EXT1: variants seen among roughly 807,000 people sequenced by gnomAD.
EXT1 encodes exostosin-1.
A neutral mutation model predicts 82.5 loss-of-function variants in EXT1; 20 were observed. The observed-to-expected ratio is 0.24, with a 90% CI of 0.17 to 0.35. The LOEUF (loss-of-function observed/expected upper bound fraction) is 0.35. EXT1 is among the 10% of genes least tolerant of loss of function. The pLI is 1.00. For missense variants in EXT1, 757 were observed against 936.5 expected, an observed-to-expected ratio of 0.81 and a Z score of 2.50; for synonymous variants, 348 against 350.8, an observed-to-expected ratio of 0.99 and a Z score of 0.09.
intron 7 of EXT1, among the ~76,000 whole-genome samples, chr8:117,813,647 C>T (rs1476968686): frequency 6.6e-6 from 1 of 152,120 alleles, no homozygotes; most frequent in Non-Finnish European, 1.5e-5. Context: ...TTAGCAGCTA[C>T]AGCAATCAAA....
At chr8:117,915,855 C>CAAACAAAACA (rs60869745) in intron 1 of EXT1, among the ~76,000 whole-genome samples, 42,270 of 148,644 alleles carry the variant, frequency 0.28, 6,995 homozygotes, top group Middle Eastern at 0.47. Context: ...GACTCTGTCT[C>CAAACAAAACA]AAACAAAACA....
chr8:117,828,675 T>C (rs1812047239), intron 4 of EXT1, among the ~76,000 whole-genome samples: 1 of 152,136 alleles, frequency 6.6e-6, no homozygotes, highest in Admixed American at 6.5e-5. Flanking sequence ...TTGATTTTAA[T>C]TGAGGAGATT....
chr8:117,901,678 C>T (rs774532995), intron 1 of EXT1, among the ~76,000 whole-genome samples: 12 of 152,042 alleles, frequency 7.9e-5, no homozygotes, highest in Non-Finnish European at 1.2e-4. Flanking sequence ...TATAGCTTTA[C>T]AAAAATATTT....
Position 117,794,705 on chromosome 8 carries a change from G to C in EXT1, c.*5007C>G, listed in dbSNP as rs1185468829. 2 of 152,190 alleles carry C rather than the reference G, an allele frequency of 1.3e-5. No individual in the cohort carries two copies. Among genetic ancestry groups the C allele is most frequent in the African/African-American group, 4.8e-5 (2 of 41,522 alleles). The allele number at this position is 152,190 out of a possible 1,614,324, so 9.4% of individuals were successfully genotyped here. A position where few individuals can be genotyped will look rare whatever the true frequency, so the allele number is the denominator to read the frequency against. ...ATACTTGAGGGCTTAATTACGCTAA[G>C]TCATTAATACTCTATAACAAATGGG... On this transcript the variant is annotated 3_prime_UTR_variant, in exon 11 of 11. Transcript: ENST00000378204.
At chr8:117,942,601 C>T (rs1814305811) in intron 1 of EXT1, among the ~76,000 whole-genome samples, 1 of 152,072 alleles carries the variant, frequency 6.6e-6, no homozygotes, top group African/African-American at 2.4e-5. Flanking sequence ...ATCCCAGCTA[C>T]TCGGGAGGCT....
chr8:117,860,885 G>A (rs1812672770), intron 1 of EXT1, among the ~76,000 whole-genome samples: 1 of 152,220 alleles, frequency 6.6e-6, no homozygotes, highest in Non-Finnish European at 1.5e-5. Context: ...AGGTAAAGGG[G>A]CTAAAGGTCA....
At chr8:117,809,218 A>AAC (rs71569748) in intron 8 of EXT1, among the ~76,000 whole-genome samples, 1,973 of 107,862 alleles carry the variant, frequency 0.018, 71 homozygotes, top group African/African-American at 0.057. Context: ...TGTGTGTATA[A>AAC]ATATATATAT....
At chr8:117,844,941 A>C (rs1812329499) in intron 1 of EXT1, among the ~76,000 whole-genome samples, 1 of 152,188 alleles carries the variant, frequency 6.6e-6, no homozygotes. Context: ...CCACCTCCCC[A>C]GTCATGCCAA....
intron 1 of EXT1, among the ~76,000 whole-genome samples, chr8:117,987,158 T>C (rs980596443): frequency 8.5e-5 from 13 of 152,136 alleles, no homozygotes; most frequent in African/African-American, 3.1e-4. Flanking sequence ...CTTATGGGAG[T>C]TGGAAGCAAA....
chr8:117,795,011 C>T lies in EXT1; in HGVS notation c.*4701G>A, dbSNP rs1326043157. The T allele has an allele frequency of 2.0e-5, 3 of 152,150 alleles. No homozygotes were observed. Among genetic ancestry groups the T allele is most frequent in the Non-Finnish European group, 4.4e-5 (3 of 68,032 alleles). 9.4% of individuals were successfully genotyped at this position (152,150 alleles called of 1,614,324 possible). On this transcript the variant is annotated 3_prime_UTR_variant, in exon 11 of 11. Transcript: ENST00000378204. ...TTAGTAATAGTTACAACCGAAAGGA[C>T]AGGGATGTATTCCTGTAGGAGAAGA...
intron 3 of EXT1, among the ~76,000 whole-genome samples, chr8:117,834,791 C>T (rs988616196): frequency 2.0e-5 from 3 of 152,034 alleles, no homozygotes; most frequent in Admixed American, 6.6e-5. Flanking sequence ...GAAAAGAGCA[C>T]GGCAACTTGT....
At chr8:117,827,784 C>CAAAAAAAAAAAAAAAAAAAA (rs768731740) in intron 4 of EXT1, among the ~76,000 whole-genome samples, 5 of 54,140 alleles carry the variant, frequency 9.2e-5, no homozygotes, top group African/African-American at 4.0e-4. Context: ...GACTCTGTCT[C>CAAAAAAAAAAAAAAAAAAAA]AAAAAAAAAA....
At chr8:117,917,403 T>G (rs1199446470) in intron 1 of EXT1, among the ~76,000 whole-genome samples, 3 of 152,154 alleles carry the variant, frequency 2.0e-5, no homozygotes, top group Non-Finnish European at 4.4e-5. Context: ...AGGTGGAGGT[T>G]GCAGTGAGCT....
chr8:118,110,769 T>C lies in EXT1; in HGVS notation c.278A>G (p.Tyr93Cys), dbSNP rs1261383828. 2.5e-6 allele frequency: 4 copies of C among 1,614,196 alleles called. No homozygotes were observed. The South Asian group carries it at 4.4e-5, about 18-fold the overall frequency. ...CTCCATGCGGCACTTCTTGCCTTTG[T>C]AGATGCTGGAGTTGGCATCTCGCTT... is the stretch of plus-strand genomic sequence containing the variant. ...RQKRDANSSIYKGKKCRMESC... is the reference protein window; with the variant it reads ...RQKRDANSSICKGKKCRMESC... The change falls in exon 1 of 11, where the codon TAC becomes TGC. Residue 93 changes from tyrosine to cysteine, a missense_variant. By Grantham distance (194) the Tyr-to-Cys change is radical. This residue lies in a region of EXT1 where 175 missense variants were observed against 159.0 expected (regional missense o/e 1.10). Transcript: ENST00000378204.
intron 1 of EXT1, among the ~76,000 whole-genome samples, chr8:117,914,337 T>C (rs1813706584): frequency 6.6e-6 from 1 of 152,228 alleles, no homozygotes; most frequent in Non-Finnish European, 1.5e-5. Context: ...ACCACTGTGA[T>C]AATTGTGTTA....
At chr8:117,934,055 G>A (rs1814112175) in intron 1 of EXT1, among the ~76,000 whole-genome samples, 1 of 151,912 alleles carries the variant, frequency 6.6e-6, no homozygotes. Context: ...CCAACCACAG[G>A]AACACTCCTG....
intron 1 of EXT1, among the ~76,000 whole-genome samples, chr8:117,938,999 A>G (rs1454340839): frequency 6.6e-6 from 1 of 152,140 alleles, no homozygotes; most frequent in Non-Finnish European, 1.5e-5. Context: ...GCCATTCCCA[A>G]GTAAGTTATA....
chr8:118,011,526 T>C (rs1287456456), intron 1 of EXT1, among the ~76,000 whole-genome samples: 2 of 152,246 alleles, frequency 1.3e-5, no homozygotes, highest in Non-Finnish European at 2.9e-5. Context: ...CCTGGCATTT[T>C]ATACATAATA....
At chr8:117,806,621 C>G (rs1823242271) in intron 9 of EXT1, among the ~76,000 whole-genome samples, 1 of 152,194 alleles carries the variant, frequency 6.6e-6, no homozygotes, top group African/African-American at 2.4e-5. Context: ...CCTGCCACAA[C>G]ACTCTTGGTG....
Sources: gnomAD v4.1 joint callset for allele counts (sites outside exome capture counted in the v4.1 genomes callset) on GRCh38, gnomAD v4.1.1 for gene constraint, gnomAD v4.1.1 regional missense constraint, MANE v1.5 for transcripts, NCBI Gene and HGNC (gene_info 2026-07-23, HGNC 2026-07-21) for gene names.